OR2AG1: variants seen among roughly 807,000 people sequenced by gnomAD.
OR2AG1 encodes olfactory receptor family 2 subfamily AG member 1, also known as olfactory receptor 2AG1.
For synonymous variants in OR2AG1, 157 were observed against 155.6 expected, an observed-to-expected ratio of 1.01 and a Z score of -0.07; for missense variants, 391 against 385.9, an observed-to-expected ratio of 1.01 and a Z score of -0.11.
Position 6,790,590 on chromosome 11 carries a change from C to A in OR2AG1, c.*4602C>A, listed in dbSNP as rs1847679375. On this transcript the variant is annotated 3_prime_UTR_variant, in exon 2 of 2. Transcript: ENST00000641258. ...GTTGGAAAAAAAAGAAAACTATGGG[C>A]AAATTATACATAATAATAAACATAA... 1 of 152,044 alleles carries A rather than the reference C, an allele frequency of 6.6e-6. No homozygotes were observed. The highest frequency in any genetic ancestry group is 6.6e-5 in the Admixed American group (1 of 15,252). The allele number at this position is 152,044 out of a possible 1,614,324, so 9.4% of individuals were successfully genotyped here. A position where few individuals can be genotyped will look rare whatever the true frequency, so the allele number is the denominator to read the frequency against.
In OR2AG1 at chr11:6,785,525, C is replaced by A; in HGVS notation, c.488C>A (p.Thr163Asn). The A allele has an allele frequency of 6.2e-7, 1 of 1,614,158 alleles. No individual in the cohort carries two copies. Among genetic ancestry groups the A allele is most frequent in the Non-Finnish European group, 8.5e-7 (1 of 1,180,012 alleles). Residue 163 changes from threonine to asparagine, a missense_variant, in exon 2 of 2, where the codon ACC (threonine) becomes AAC (asparagine). By Grantham distance (65) the Thr-to-Asn change is moderately conservative. Transcript: ENST00000641258. ...AGTGCCCTAATATATACCGTGTATA[C>A]CATGCACTATCCCTTCTGCAGGGCC... is the stretch of plus-strand genomic sequence containing the variant. ...SLSALIYTVY[T>N]MHYPFCRAQE...
In OR2AG1 at chr11:6,786,795, T is replaced by A. The variant is rs2133028895; in HGVS notation, c.*807T>A. On this transcript the variant is annotated 3_prime_UTR_variant, in exon 2 of 2. Coordinates refer to ENST00000641258, the MANE Select transcript of OR2AG1 (RefSeq NM_001004489.3). ...CACATGCATGGTGGGTGTGGATATT[T>A]AAGTCAGTGTGTCTGTGTGTTTGTG... 6.6e-6 allele frequency: 1 copy of A among 152,298 alleles called. No individual in the cohort carries two copies. Among genetic ancestry groups the A allele is most frequent in the East Asian group, 1.9e-4 (1 of 5,180 alleles). The allele number at this position is 152,298 out of a possible 1,614,324, so 9.4% of individuals were successfully genotyped here.
rs1435374899 is a variant in OR2AG1, at chr11:6,786,677, T to C, written c.*689T>C. 6.6e-6 allele frequency: 1 copy of C among 152,218 alleles called. No homozygotes were observed. The highest frequency in any genetic ancestry group is 2.4e-5 in the African/African-American group (1 of 41,432). 9.4% of individuals were successfully genotyped at this position (152,218 alleles called of 1,614,324 possible). ...AAGCAAGGTTCATGATAAACAACTT[T>C]GCTTATTTCTTGCTAATACAAAAAC... On this transcript the variant is annotated 3_prime_UTR_variant, in exon 2 of 2. Coordinates refer to ENST00000641258, the MANE Select transcript of OR2AG1 (RefSeq NM_001004489.3).
chr11:6,785,872 A>T lies in OR2AG1; in HGVS notation c.835A>T (p.Thr279Ser). The change falls in exon 2 of 2, where the codon ACA becomes TCA. Residue 279 changes from threonine to serine, a missense_variant. By Grantham distance (58) the Thr-to-Ser change is moderately conservative. Transcript: ENST00000641258. ...RQDNIISVFY[T>S]IVTPALNPLI... The stretch of plus-strand genomic sequence containing the variant: ...AGACAACATCATCTCTGTTTTCTAC[A>T]CAATTGTCACTCCAGCCCTGAATCC... 6.2e-7 allele frequency: 1 copy of T among 1,614,082 alleles called. No homozygotes were observed. Among genetic ancestry groups the T allele is most frequent in the Admixed American group, 1.7e-5 (1 of 60,016 alleles).
chr11:6,788,102 A>G lies in OR2AG1; in HGVS notation c.*2114A>G, dbSNP rs1847646320. On this transcript the variant is annotated 3_prime_UTR_variant, in exon 2 of 2. Coordinates refer to ENST00000641258, the MANE Select transcript of OR2AG1 (RefSeq NM_001004489.3). Reference sequence around the variant, plus strand: ...TTTTCAATTTGTTATTTGGCTTCTAATATCTGCATGGCAGAGATTTTTAGA... The same window carrying G: ...TTTTCAATTTGTTATTTGGCTTCTAGTATCTGCATGGCAGAGATTTTTAGA... The G allele has an allele frequency of 6.6e-6, 1 of 152,138 alleles. No homozygotes were observed. Among genetic ancestry groups the G allele is most frequent in the Non-Finnish European group, 1.5e-5 (1 of 68,012 alleles). The allele number at this position is 152,138 out of a possible 1,614,324, so 9.4% of individuals were successfully genotyped here. A position where few individuals can be genotyped will look rare whatever the true frequency, so the allele number is the denominator to read the frequency against.
Position 6,785,179 on chromosome 11 carries a change from G to A in OR2AG1, c.142G>A (p.Ala48Thr), listed in dbSNP as rs1467351371. 2.5e-6 allele frequency: 4 copies of A among 1,614,022 alleles called. No homozygotes were observed. The highest frequency in any genetic ancestry group is 1.7e-5 in the Admixed American group (1 of 59,996). ...GATCAGCAATGGCCTACTGCTCCTG[G>A]CTATCACCATGGAAGCCCGGCTCCA... is the stretch of plus-strand genomic sequence containing the variant. Reference protein sequence around the residue: ...ALISNGLLLLAITMEARLHMP... With the variant: ...ALISNGLLLLTITMEARLHMP... Residue 48 changes from alanine to threonine, a missense_variant, in exon 2 of 2, where the codon GCT becomes ACT. Physicochemically the swap from Ala to Thr is moderately conservative, Grantham distance 58 (BLOSUM62 0). Transcript: ENST00000641258.
intron 1 of OR2AG1, among the ~76,000 whole-genome samples, chr11:6,784,181 A>G (rs893943869): frequency 1.2e-4 from 19 of 152,172 alleles, no homozygotes; most frequent in Admixed American, 3.3e-4. Flanking sequence ...ATCTGGTCAA[A>G]GGCAGGAGAG....
rs34457806 is a variant in OR2AG1, at chr11:6,789,058, C to T, written c.*3070C>T. 34,925 of 150,552 alleles carry T rather than the reference C, an allele frequency of 0.23. 4,845 individuals are homozygous for T. The highest frequency in any genetic ancestry group is 0.39 in the African/African-American group (16,147 of 40,996). 9.3% of individuals were successfully genotyped at this position (150,552 alleles called of 1,614,324 possible). ...AAAATACAAAGGGAACACTTATGCC[C>T]ATTTTCTCCTCTGCTGATCTTCTAT... On this transcript the variant is annotated 3_prime_UTR_variant, in exon 2 of 2. Transcript: ENST00000641258.
intron 1 of OR2AG1, among the ~76,000 whole-genome samples, chr11:6,783,932 G>T (rs1847597372): frequency 6.6e-6 from 1 of 152,234 alleles, no homozygotes; most frequent in African/African-American, 2.4e-5. Context: ...GGAAATGATT[G>T]ACAAAGGATG....
chr11:6,785,531 A>G lies in OR2AG1; in HGVS notation c.494A>G (p.His165Arg). Residue 165 changes from histidine to arginine, a missense_variant, in exon 2 of 2, where the codon CAC (histidine) becomes CGC (arginine). Transcript: ENST00000641258. Reference sequence around the variant, plus strand: ...CTAATATATACCGTGTATACCATGCACTATCCCTTCTGCAGGGCCCAGGAG... The same window carrying G: ...CTAATATATACCGTGTATACCATGCGCTATCCCTTCTGCAGGGCCCAGGAG... Reference protein sequence around the residue: ...SALIYTVYTMHYPFCRAQEIR... With the variant: ...SALIYTVYTMRYPFCRAQEIR... The G allele has an allele frequency of 6.2e-7, 1 of 1,614,020 alleles. No individual in the cohort carries two copies. Among genetic ancestry groups the G allele is most frequent in the Non-Finnish European group, 8.5e-7 (1 of 1,179,996 alleles).
At position 6,786,083 on chromosome 11, in the gene OR2AG1, A is replaced by G. The variant is rs566392639; in HGVS notation, c.*95A>G. The G allele has an allele frequency of 1.4e-5, 13 of 921,658 alleles. No individual in the cohort carries two copies. Among genetic ancestry groups the G allele is most frequent in the East Asian group, 2.6e-5 (1 of 39,202 alleles). The allele number at this position is 921,658 out of a possible 1,614,324, so 57.1% of individuals were successfully genotyped here. A position where few individuals can be genotyped will look rare whatever the true frequency, so the allele number is the denominator to read the frequency against. On this transcript the variant is annotated 3_prime_UTR_variant, in exon 2 of 2. Transcript: ENST00000641258. ...ACTAATGGTAAAACCAATACAGTGC[A>G]GAGTATAGCATTTAATAGAAAAGTG... is the stretch of plus-strand genomic sequence containing the variant.
chr11:6,790,624 T>G lies in OR2AG1; in HGVS notation c.*4636T>G, dbSNP rs1031095042. On this transcript the variant is annotated 3_prime_UTR_variant, in exon 2 of 2. Transcript: ENST00000641258. ...CATAATAATAAACATAAAAAATCATTTGAAAACATTTCTAAAGCTGCTTTG... is the reference window on the plus strand; with the variant it reads ...CATAATAATAAACATAAAAAATCATGTGAAAACATTTCTAAAGCTGCTTTG... 7 of 152,212 alleles carry G rather than the reference T, an allele frequency of 4.6e-5. No homozygotes were observed. The highest frequency in any genetic ancestry group is 1.7e-4 in the African/African-American group (7 of 41,454). The allele number at this position is 152,212 out of a possible 1,614,324, so 9.4% of individuals were successfully genotyped here.
In OR2AG1 at chr11:6,789,602, G is replaced by C. The variant is rs1030751855; in HGVS notation, c.*3614G>C. 2 of 153,386 alleles carry C rather than the reference G, an allele frequency of 1.3e-5. No individual in the cohort carries two copies. Among genetic ancestry groups the C allele is most frequent in the Non-Finnish European group, 2.9e-5 (2 of 69,010 alleles). The allele number at this position is 153,386 out of a possible 1,614,324, so 9.5% of individuals were successfully genotyped here. ...GGAGGAGGAGGTTGCAGTGAGGCAAGATCGCGCCATTGCACTCCAGCTTGG... is the reference window on the plus strand; with the variant it reads ...GGAGGAGGAGGTTGCAGTGAGGCAACATCGCGCCATTGCACTCCAGCTTGG... On this transcript the variant is annotated 3_prime_UTR_variant, in exon 2 of 2. Transcript: ENST00000641258.
At position 6,787,147 on chromosome 11, in the gene OR2AG1, C is replaced by T. The variant is rs1311366259; in HGVS notation, c.*1159C>T. The T allele has an allele frequency of 6.6e-6, 1 of 152,196 alleles. No homozygotes were observed. The highest frequency in any genetic ancestry group is 1.5e-5 in the Non-Finnish European group (1 of 67,972). The allele number at this position is 152,196 out of a possible 1,614,324, so 9.4% of individuals were successfully genotyped here. A position where few individuals can be genotyped will look rare whatever the true frequency, so the allele number is the denominator to read the frequency against. ...AGGCTGAGTAGAGATAATTCCTACA[C>T]GTATTTATATGAATTTCCTTCCATT... On this transcript the variant is annotated 3_prime_UTR_variant, in exon 2 of 2. Transcript: ENST00000641258.
Position 6,783,094 on chromosome 11 carries a change from T to C in OR2AG1, c.-398T>C, listed in dbSNP as rs1847588823. ...GAACCCAAGAACTCAGTCTGGTAAC[T>C]GCTCTAGGGCTAGAGGGGCTCTCTC... On this transcript the variant is annotated 5_prime_UTR_variant, in exon 1 of 2. Transcript: ENST00000641258. The C allele has an allele frequency of 6.6e-6, 1 of 152,274 alleles. No homozygotes were observed. Among genetic ancestry groups the C allele is most frequent in the African/African-American group, 2.4e-5 (1 of 41,458 alleles). The allele number at this position is 152,274 out of a possible 1,614,324, so 9.4% of individuals were successfully genotyped here. A position where few individuals can be genotyped will look rare whatever the true frequency, so the allele number is the denominator to read the frequency against.
rs917654261 is a variant in OR2AG1, at chr11:6,789,788, T to G, written c.*3800T>G. ...AGGTATGGGGAGAAAATGGAACCTG[T>G]GTACACAATTCATGGGAATGTAAAA... On this transcript the variant is annotated 3_prime_UTR_variant, in exon 2 of 2. Transcript: ENST00000641258. The G allele has an allele frequency of 6.6e-6, 1 of 152,296 alleles. No individual in the cohort carries two copies. Among genetic ancestry groups the G allele is most frequent in the African/African-American group, 2.4e-5 (1 of 41,448 alleles). The allele number at this position is 152,296 out of a possible 1,614,324, so 9.4% of individuals were successfully genotyped here. A position where few individuals can be genotyped will look rare whatever the true frequency, so the allele number is the denominator to read the frequency against.
chr11:6,784,985 G>A lies in OR2AG1; in HGVS notation c.-20-33G>A, dbSNP rs1408009095. 4 of 1,197,938 alleles carry A rather than the reference G, an allele frequency of 3.3e-6. No homozygotes were observed. In the East Asian group the frequency reaches 9.4e-5, roughly 28 times the overall value. The allele number at this position is 1,197,938 out of a possible 1,614,324, so 74.2% of individuals were successfully genotyped here. ...TATTTCAAAACTAGAGTTCATCTTA[G>A]CAAAAATTCATGAAGTATCCATCTT... On this transcript the variant is annotated intron_variant, in intron 1 of 1. Transcript: ENST00000641258.
rs1847652352 is a variant in OR2AG1, at chr11:6,788,723, C to T, written c.*2735C>T. 1 of 152,102 alleles carries T rather than the reference C, an allele frequency of 6.6e-6. No homozygotes were observed. The highest frequency in any genetic ancestry group is 2.4e-5 in the African/African-American group (1 of 41,384). 9.4% of individuals were successfully genotyped at this position (152,102 alleles called of 1,614,324 possible). A position where few individuals can be genotyped will look rare whatever the true frequency, so the allele number is the denominator to read the frequency against. On this transcript the variant is annotated 3_prime_UTR_variant, in exon 2 of 2. Transcript: ENST00000641258. ...CATTCTAAGCTGATGCCTTGCCTCA[C>T]ACTTCACTAGAACAGAAGCAGTTGG...
At position 6,785,596 on chromosome 11, in the gene OR2AG1, G is replaced by T. The variant is rs2659880; in HGVS notation, c.559G>T (p.Val187Leu). 0.31 allele frequency: 495,730 copies of T among 1,613,792 alleles called. 79,523 individuals are homozygous for T. The highest frequency in any genetic ancestry group is 0.34 in the Middle Eastern group (2,087 of 6,062). ...CTGTGAGATCCCACACTTGCTGAAG[G>T]TGGCCTGTGCTGATACCTCCAGATA... Reference protein sequence around the residue: ...LLCEIPHLLKVACADTSRYEL... With the variant: ...LLCEIPHLLKLACADTSRYEL... Residue 187 changes from valine to leucine, a missense_variant, in exon 2 of 2, where the codon GTG (valine) becomes TTG (leucine). Transcript: ENST00000641258.
Sources: gnomAD v4.1 joint callset for allele counts (sites outside exome capture counted in the v4.1 genomes callset) on GRCh38, gnomAD v4.1.1 for gene constraint, MANE v1.5 for transcripts, NCBI Gene and HGNC (gene_info 2026-07-23, HGNC 2026-07-21) for gene names.